Variants in AKAP13 observed in about 807,000 individuals in gnomAD.
AKAP13 encodes A-kinase anchor protein 13.
In AKAP13, 80 loss-of-function variants were observed where a neutral mutation model predicts 264.5. The ratio of observed to expected loss-of-function variants is 0.30; its 90% CI spans 0.25 to 0.36. AKAP13 has a LOEUF of 0.36. Ranked by LOEUF, AKAP13 falls within the 10% of genes least tolerant of loss-of-function variation. The pLI, the probability that AKAP13 is intolerant of heterozygous loss-of-function variation, is 1.00. For synonymous variants in AKAP13, 1,380 were observed against 1,250.2 expected (o/e 1.10, Z -2.19); for missense variants, 3,712 against 3,435.2 (o/e 1.08, Z -2.01).
chr15:85,682,310 A>T, intron 15 of AKAP13, 98 bp downstream of exon 15: 1 of 1,232,324 alleles, frequency 8.1e-7, no homozygotes, highest in Non-Finnish European at 1.1e-6. Flanking sequence ...AATTGAGCTT[A>T]TTGGGTTCTT....
intron 8 of AKAP13, among the ~76,000 whole-genome samples, chr15:85,595,700 C>G (rs1390803108): frequency 6.6e-6 from 1 of 152,128 alleles, no homozygotes. Flanking sequence ...GATATGCTTT[C>G]CAGCCTTGTA....
intron 19 of AKAP13, among the ~76,000 whole-genome samples, chr15:85,712,877 A>G (rs2151703538): frequency 6.6e-6 from 1 of 152,286 alleles, no homozygotes; most frequent in East Asian, 1.9e-4. Flanking sequence ...GTTGTACTCC[A>G]CTGAGGCAAC....
intron 1 of AKAP13, among the ~76,000 whole-genome samples, chr15:85,399,590 A>T (rs1341489232): frequency 2.6e-5 from 4 of 151,322 alleles, no homozygotes; most frequent in African/African-American, 9.7e-5. Context: ...TTACTCATAG[A>T]ATTACTGGAT....
chr15:85,620,194 G>T (rs1051595951), intron 8 of AKAP13: 59 of 1,534,028 alleles, frequency 3.8e-5, no homozygotes, highest in Non-Finnish European at 4.7e-5. Flanking sequence ...TGCACCTCAT[G>T]CATTCTGAAG....
chr15:85,499,130 C>G (rs1221445878), intron 2 of AKAP13, among the ~76,000 whole-genome samples: 1 of 152,074 alleles, frequency 6.6e-6, no homozygotes, highest in Admixed American at 6.5e-5. Flanking sequence ...AGATCTATGG[C>G]TTTTCTTTTT....
intron 1 of AKAP13, among the ~76,000 whole-genome samples, chr15:85,456,870 A>C (rs1020462219): frequency 6.6e-6 from 1 of 152,150 alleles, no homozygotes; most frequent in Non-Finnish European, 1.5e-5. Context: ...GTTCTTGTTG[A>C]GATCATGAAC....
chr15:85,506,373 A>C (rs763384609), intron 2 of AKAP13, among the ~76,000 whole-genome samples: 4 of 152,196 alleles, frequency 2.6e-5, no homozygotes, highest in Non-Finnish European at 5.9e-5. Context: ...TTGAGCACCT[A>C]GAACAACGAG....
chr15:85,411,474 G>A (rs1413669477), intron 1 of AKAP13, among the ~76,000 whole-genome samples: 3 of 151,910 alleles, frequency 2.0e-5, no homozygotes, highest in Non-Finnish European at 2.9e-5. Context: ...GTCTTGCTCC[G>A]TCCCCCAGGC....
intron 2 of AKAP13, among the ~76,000 whole-genome samples, chr15:85,515,397 C>G (rs1195539610): frequency 7.2e-6 from 1 of 138,380 alleles, no homozygotes; most frequent in Non-Finnish European, 1.5e-5. Flanking sequence ...TTACTCCAAA[C>G]GCTTTGTTGT....
chr15:85,381,223 TGTGGAGTCCCCGCC>T (rs1424683080), intron 1 of AKAP13, among the ~76,000 whole-genome samples: 3 of 152,002 alleles, frequency 2.0e-5, no homozygotes, highest in East Asian at 1.9e-4. Context: ...GCGGCCGCGG[TGTGGAGTCCCCGCC>T]GTGGAGTCCG....
At chr15:85,525,112 G>A (rs1443726500) in intron 3 of AKAP13, among the ~76,000 whole-genome samples, 1 of 142,340 alleles carries the variant, frequency 7.0e-6, no homozygotes, top group African/African-American at 2.7e-5. Context: ...AGGCTGGAGT[G>A]CAGTGGCGCG....
intron 2 of AKAP13, among the ~76,000 whole-genome samples, chr15:85,500,233 A>G (rs2076004273): frequency 6.6e-6 from 1 of 152,126 alleles, no homozygotes; most frequent in Non-Finnish European, 1.5e-5. Flanking sequence ...AAAACCTGGA[A>G]CTGATACTAG....
At chr15:85,393,332 G>T (rs1232636338) in intron 1 of AKAP13, among the ~76,000 whole-genome samples, 1 of 152,236 alleles carries the variant, frequency 6.6e-6, no homozygotes, top group East Asian at 1.9e-4. Flanking sequence ...CAAGAGTTGG[G>T]AAGTAGAGTT....
rs759541671 is a variant in AKAP13, at chr15:85,580,255, G to A, written c.2187G>A (p.Ala729=). ...CTGTAAGGGATACCCAGGAACGTGC[G>A]GATTTTTGTCCTTTCAAAGTGGTGG... is the stretch of plus-strand genomic sequence containing the variant. ...SDPVRDTQER[A]DFCPFKVVDN... Residue 729 remains alanine, a synonymous_variant, in exon 7 of 37, where the codon GCG becomes GCA. Coordinates refer to ENST00000394518, the MANE Select transcript of AKAP13 (RefSeq NM_007200.5). 1.5e-5 allele frequency: 24 copies of A among 1,614,058 alleles called. No individual in the cohort carries two copies. The highest frequency in any genetic ancestry group is 1.9e-5 in the Non-Finnish European group (23 of 1,180,042).
chr15:85,670,981 A>G (rs2083894849), intron 14 of AKAP13: 1 of 151,890 alleles, frequency 6.6e-6, no homozygotes, highest in Non-Finnish European at 1.5e-5. Flanking sequence ...TTAAATGTTG[A>G]TTTTTTTATG....
At chr15:85,715,293 G>A (rs562199099) in intron 19 of AKAP13, among the ~76,000 whole-genome samples, 14 of 152,278 alleles carry the variant, frequency 9.2e-5, no homozygotes, top group African/African-American at 2.6e-4. Flanking sequence ...GTATTCTGCT[G>A]TGTGGTGTAG....
intron 1 of AKAP13, among the ~76,000 whole-genome samples, chr15:85,477,636 G>GAAAAAA (rs1567077572): frequency 2.9e-5 from 1 of 34,310 alleles, no homozygotes; most frequent in African/African-American, 9.6e-5. Flanking sequence ...CTTAAAAAAA[G>GAAAAAA]GAAAAAAAAA....
chr15:85,543,880 A>G lies in AKAP13; in HGVS notation c.587A>G (p.His196Arg), dbSNP rs2077647322. Residue 196 changes from histidine (H) to arginine (R), a missense_variant, in exon 5 of 37, where the codon CAC becomes CGC. By Grantham distance (29) the His-to-Arg change is conservative (BLOSUM62 0). This residue lies in a region of AKAP13 where 2,759 missense variants were observed against 2,411.7 expected (regional missense o/e 1.14). Coordinates refer to ENST00000394518, the MANE Select transcript of AKAP13 (RefSeq NM_007200.5). ...KPGGRGALSI[H>R]NQEGATPVSL... is the part of the protein sequence containing the mutation. ...GGTGGCCGCGGAGCTCTCAGTATCC[A>G]CAACCAGGAAGGGGCGACGCCTGTG... 1.2e-6 allele frequency: 2 copies of G among 1,613,990 alleles called. No individual in the cohort carries two copies. Among genetic ancestry groups the G allele is most frequent in the Admixed American group, 3.3e-5 (2 of 59,986 alleles).
At chr15:85,437,345 A>G (rs1466160468) in intron 1 of AKAP13, among the ~76,000 whole-genome samples, 1 of 152,248 alleles carries the variant, frequency 6.6e-6, no homozygotes, top group East Asian at 1.9e-4. Flanking sequence ...ACCAACCAAA[A>G]AGAGTCCAGG....
Sources: allele counts gnomAD v4.1 joint callset (sites outside exome capture counted in the v4.1 genomes callset), GRCh38; gene constraint gnomAD v4.1.1; regional missense constraint gnomAD v4.1.1; transcripts MANE v1.5; gene names NCBI Gene and HGNC (gene_info 2026-07-23, HGNC 2026-07-21).